Variants in SNIP1 observed in about 807,000 individuals in gnomAD.
SNIP1 encodes the protein smad nuclear-interacting protein 1.
SNIP1 carries 23 observed loss-of-function variants against 37.4 expected under a neutral mutation model. That is an observed-to-expected ratio of 0.61 (90% confidence interval 0.44 to 0.87). The LOEUF (loss-of-function observed/expected upper bound fraction) is 0.87, where lower values mean the gene tolerates loss of function less well. Among genes scored for constraint, SNIP1 ranks in the 40% least tolerant of loss-of-function variants. The pLI is 0.00. For synonymous variants in SNIP1, 174 were observed against 200.0 expected (o/e 0.87, Z 1.10); for missense variants, 459 against 540.4 (o/e 0.85, Z 1.49).
chr1:37,545,487 CAAAG>C (rs1462730204), intron 2 of SNIP1, among the ~76,000 whole-genome samples: 1 of 77,574 alleles, frequency 1.3e-5, no homozygotes, highest in Non-Finnish European at 2.7e-5. Flanking sequence ...AAAAAAAAAA[CAAAG>C]AAAAAACTTC....
At chr1:37,552,570 C>T (rs1004946526) in intron 2 of SNIP1, 75 bp downstream of exon 2, 17 of 1,237,252 alleles carry the variant, frequency 1.4e-5, no homozygotes, top group Non-Finnish European at 1.8e-5. Flanking sequence ...ACACAACACA[C>T]ACACACATTC....
rs776315069 is a variant in SNIP1 at position 37,537,730 on chromosome 1, G to A, written c.*18C>T. The A allele has an allele frequency of 3.7e-6, 6 of 1,606,144 alleles. No individual in the cohort carries two copies. The highest frequency in any genetic ancestry group is 2.7e-5 in the African/African-American group (2 of 74,638). ...CCAAGAAGGAAACCGTGTATCAATA[G>A]TTTGGGTTCTTAGTTTGCTAGCTGT... On this transcript the variant is annotated 3_prime_UTR_variant, in exon 4 of 4. Coordinates refer to ENST00000296215, the MANE Select transcript of SNIP1 (RefSeq NM_024700.4).
intron 2 of SNIP1, among the ~76,000 whole-genome samples, chr1:37,546,329 C>T (rs544346336): frequency 8.5e-5 from 13 of 152,268 alleles, no homozygotes; most frequent in Admixed American, 7.2e-4. Flanking sequence ...GCCTTGAGTT[C>T]ACCAGGACTA....
At chr1:37,552,613 T>G (rs1427552901) in intron 2 of SNIP1, 32 bp downstream of exon 2, 19 of 1,546,856 alleles carry the variant, frequency 1.2e-5, no homozygotes, top group Non-Finnish European at 1.6e-5. Context: ...GGCTCTCAAT[T>G]TGGACCCATC....
Position 37,554,194 on chromosome 1 carries a change from G to C in SNIP1, c.36C>G (p.Ser12Arg). The stretch of plus-strand genomic sequence containing the variant: ...CGTCCCCGTCCCGGTGTCTTCGCCG[G>C]CTCCCTCGCTCCCGTTCGCTCTTCA... ...KAVKSERERG[S>R]RRRHRDGDVV... The change falls in exon 1 of 4, where the codon AGC becomes AGG. Residue 12 changes from serine (S) to arginine (R), a missense_variant. Ser to Arg is a moderately radical substitution (Grantham distance 110). Transcript: ENST00000296215. The C allele has an allele frequency of 1.9e-6, 3 of 1,609,122 alleles. No homozygotes were observed. The highest frequency in any genetic ancestry group is 2.5e-6 in the Non-Finnish European group (3 of 1,177,264).
In SNIP1 at chr1:37,540,500, C is replaced by T. The variant is rs752770000; in HGVS notation, c.583G>A (p.Val195Ile). Residue 195 changes from valine to isoleucine, a missense_variant, in exon 3 of 4, where the codon GTT becomes ATT. Transcript: ENST00000296215. The surrounding 1 kb of genome is among the most constrained non-coding windows in gnomAD (Gnocchi z 5.6). The part of the protein sequence containing the change: ...RRREHRQRND[V>I]GGGGSESQEL... ...TGAGACTCACTGCCGCCACCACCAA[C>T]GTCATTCCTCTGGCGATGCTCCCGT... 15 of 1,614,042 alleles carry T rather than the reference C, an allele frequency of 9.3e-6. No individual in the cohort carries two copies. The East Asian group carries it at 1.1e-4, about 12-fold the overall frequency.
Position 37,537,714 on chromosome 1 carries a change from AAACCGTGT to A in SNIP1, c.*26_*33del. On this transcript the variant is annotated 3_prime_UTR_variant, in exon 4 of 4. Transcript: ENST00000296215. ...AGTCAATCAAAGACTTCCAAGAAGG[AAACCGTGT>A]ATCAATAGTTTGGGTTCTTAGTTTG... 1 of 1,592,556 alleles carries A rather than the reference AAACCGTGT, an allele frequency of 6.3e-7. No individual in the cohort carries two copies. Among genetic ancestry groups the A allele is most frequent in the Non-Finnish European group, 8.6e-7 (1 of 1,169,276 alleles).
intron 2 of SNIP1, among the ~76,000 whole-genome samples, chr1:37,546,127 G>GGAA (rs1643232905): frequency 7.3e-6 from 1 of 136,752 alleles, no homozygotes; most frequent in African/African-American, 2.7e-5. Context: ...CCCTAAAAGT[G>GGAA]GAAGCACTGG....
Position 37,537,965 on chromosome 1 carries a change from T to C in SNIP1, c.974A>G (p.Lys325Arg). The C allele has an allele frequency of 6.2e-7, 1 of 1,614,096 alleles. No individual in the cohort carries two copies. Among genetic ancestry groups the C allele is most frequent in the African/African-American group, 1.3e-5 (1 of 75,042 alleles). ...RADGTVGRRV[K>R]PYIIDLGSGN... ...TGAGCCAAGGTCAATGATGTAGGGC[T>C]TCACTCTTCGGCCAACTGTGCCATC... Residue 325 changes from lysine (K) to arginine (R), a missense_variant, in exon 4 of 4, where the codon AAG becomes AGG. Lys to Arg is a conservative substitution (Grantham distance 26). Transcript: ENST00000296215.
Position 37,554,292 on chromosome 1 carries a change from A to T in SNIP1, c.-63T>A. On this transcript the variant is annotated 5_prime_UTR_variant, in exon 1 of 4. Coordinates refer to ENST00000296215, the MANE Select transcript of SNIP1 (RefSeq NM_024700.4). ...TGAGCTCCTCTAGCTGGAGGAAATG[A>T]CGAGTTTAACTCCTGGACTTCCGCT... 6.7e-7 allele frequency: 1 copy of T among 1,495,922 alleles called. No individual in the cohort carries two copies. Among genetic ancestry groups the T allele is most frequent in the Non-Finnish European group, 9.0e-7 (1 of 1,112,774 alleles). 92.7% of individuals were successfully genotyped at this position (1,495,922 alleles called of 1,614,324 possible).
intron 1 of SNIP1, 36 bp from the exon 2 acceptor site, chr1:37,552,783 T>G: frequency 6.4e-7 from 1 of 1,556,610 alleles, no homozygotes; most frequent in East Asian, 2.2e-5. Flanking sequence ...TTTATCGCAA[T>G]TTCCCTTCCC....
rs559130416 is a variant in SNIP1 at position 37,536,756 on chromosome 1, G to A, written c.*992C>T. ...CTCTGGTGGAAAACTAGGACACTGG[G>A]AAATTCCCCTGCTTTCCAACCTTGG... On this transcript the variant is annotated 3_prime_UTR_variant, in exon 4 of 4. Transcript: ENST00000296215. 1 of 152,222 alleles carries A rather than the reference G, an allele frequency of 6.6e-6. No individual in the cohort carries two copies. Among genetic ancestry groups the A allele is most frequent in the South Asian group, 2.1e-4 (1 of 4,818 alleles). 9.4% of individuals were successfully genotyped at this position (152,222 alleles called of 1,614,324 possible).
chr1:37,544,169 G>A (rs1161000401), intron 2 of SNIP1, among the ~76,000 whole-genome samples: 8 of 151,306 alleles, frequency 5.3e-5, no homozygotes, highest in Admixed American at 1.3e-4. Flanking sequence ...ACAAGAGGCC[G>A]GGCGAAGTGG....
chr1:37,552,151 C>T (rs1011810569), intron 2 of SNIP1, among the ~76,000 whole-genome samples: 1 of 152,128 alleles, frequency 6.6e-6, no homozygotes, highest in Non-Finnish European at 1.5e-5. Context: ...ATTCCATTTA[C>T]ATAACATTCT....
chr1:37,542,390 C>T (rs1311896324), intron 2 of SNIP1, among the ~76,000 whole-genome samples: 2 of 152,120 alleles, frequency 1.3e-5, no homozygotes, highest in African/African-American at 4.8e-5. Context: ...AGTGAAACCA[C>T]AGATAAGGGG....
At chr1:37,543,284 C>T (rs945476040) in intron 2 of SNIP1, among the ~76,000 whole-genome samples, 1 of 152,116 alleles carries the variant, frequency 6.6e-6, no homozygotes, top group Non-Finnish European at 1.5e-5. Flanking sequence ...GTCAATTTGA[C>T]ATTATTTAAT....
Position 37,536,882 on chromosome 1 carries a change from TAAAG to T in SNIP1, c.*862_*865del, listed in dbSNP as rs536484384. On this transcript the variant is annotated 3_prime_UTR_variant, in exon 4 of 4. Transcript: ENST00000296215. ...TTTAGATCTATACATGTTATTAGAA[TAAAG>T]AAAGAACGCTGTCACATCAGTGACA... is the stretch of plus-strand genomic sequence containing the variant. 9.2e-5 allele frequency: 14 copies of T among 152,210 alleles called. No individual in the cohort carries two copies. In the South Asian group the frequency reaches 1.2e-3, roughly 14 times the overall value. The allele number at this position is 152,210 out of a possible 1,614,324, so 9.4% of individuals were successfully genotyped here.
chr1:37,553,583 T>C (rs532973013), intron 1 of SNIP1, among the ~76,000 whole-genome samples: 3 of 152,040 alleles, frequency 2.0e-5, no homozygotes, highest in African/African-American at 7.2e-5. Flanking sequence ...TAGCAAGAAG[T>C]AACTTTTTTT....
Position 37,554,284 on chromosome 1 carries a change from A to G in SNIP1, c.-55T>C. The G allele has an allele frequency of 6.6e-7, 1 of 1,515,810 alleles. No homozygotes were observed. Among genetic ancestry groups the G allele is most frequent in the East Asian group, 2.3e-5 (1 of 43,652 alleles). 93.9% of individuals were successfully genotyped at this position (1,515,810 alleles called of 1,614,324 possible). The stretch of plus-strand genomic sequence containing the variant: ...AGATCAGTTGAGCTCCTCTAGCTGG[A>G]GGAAATGACGAGTTTAACTCCTGGA... On this transcript the variant is annotated 5_prime_UTR_variant, in exon 1 of 4. Coordinates refer to ENST00000296215, the MANE Select transcript of SNIP1 (RefSeq NM_024700.4).
Sources: allele counts gnomAD v4.1 joint callset (sites outside exome capture counted in the v4.1 genomes callset), GRCh38; gene constraint gnomAD v4.1.1; non-coding constraint Gnocchi (gnomAD v3.1); transcripts MANE v1.5; gene names NCBI Gene and HGNC (gene_info 2026-07-23, HGNC 2026-07-21).